Variants in SNTG1 observed in about 807,000 individuals in gnomAD.
SNTG1 encodes the protein syntrophin gamma 1.
In SNTG1, 39 loss-of-function variants were observed where a neutral mutation model predicts 74.7. The ratio of observed to expected loss-of-function variants is 0.52; its 90% CI spans 0.40 to 0.68. SNTG1 has a LOEUF of 0.68. Ranked by LOEUF, SNTG1 falls within the 30% of genes least tolerant of loss-of-function variation. The pLI is 0.00. For synonymous variants in SNTG1, 254 were observed against 217.1 expected, an observed-to-expected ratio of 1.17 and a Z score of -1.49; for missense variants, 685 against 609.5, an observed-to-expected ratio of 1.12 and a Z score of -1.30.
rs576048168 is a variant in SNTG1 at position 50,082,896 on chromosome 8, C to T, written c.-102-89665C>T. 3.9e-5 allele frequency among the ~76,000 whole-genome samples: 6 copies of T among 152,254 alleles called. No homozygotes were observed. In the South Asian group the frequency reaches 1.2e-3, roughly 32 times the overall value. On this transcript the variant is annotated intron_variant, in intron 1 of 18. Transcript: ENST00000642720. ...CTCCCTATTACATCCCGTGCTACTC[C>T]TACAGTTCATTGTTTGCCCCAACTA...
intron 2 of SNTG1, among the ~76,000 whole-genome samples, chr8:50,345,425 C>A (rs148677865): frequency 6.6e-6 from 1 of 152,180 alleles, no homozygotes; most frequent in East Asian, 1.9e-4. Context: ...CTTCTAGAAC[C>A]CTACTCTGCC....
At chr8:50,653,071 C>T (rs1490801693) in intron 13 of SNTG1, among the ~76,000 whole-genome samples, 1 of 151,844 alleles carries the variant, frequency 6.6e-6, no homozygotes, top group African/African-American at 2.4e-5. Flanking sequence ...ATAAACCTTA[C>T]AGAGACAGAA....
At position 50,564,011 on chromosome 8, in the gene SNTG1, G is replaced by T. The variant is rs190133296; in HGVS notation, c.810+10832G>T. On this transcript the variant is annotated intron_variant, in intron 12 of 18. Coordinates refer to ENST00000642720, the MANE Select transcript of SNTG1 (RefSeq NM_018967.5). ...ACATTCATCCATTTGTACTAGTTCT[G>T]ATTTGAGAAAGACACACAATAATCC... Among the ~76,000 whole-genome samples, 123 of 152,164 alleles carry T rather than the reference G, an allele frequency of 8.1e-4. 2 individuals are homozygous for T. In the East Asian group the frequency reaches 0.019, roughly 23 times the overall value.
intron 13 of SNTG1, among the ~76,000 whole-genome samples, chr8:50,648,449 T>C (rs1349649717): frequency 6.6e-6 from 1 of 152,154 alleles, no homozygotes; most frequent in Non-Finnish European, 1.5e-5. Flanking sequence ...GTAAGTTTTA[T>C]CAGACTGAAT....
chr8:50,367,111 G>A (rs184164363), intron 2 of SNTG1, among the ~76,000 whole-genome samples: 2 of 151,780 alleles, frequency 1.3e-5, no homozygotes, highest in African/African-American at 2.4e-5. Flanking sequence ...TCTGATGTGA[G>A]CATAGGTGAT....
intron 13 of SNTG1, among the ~76,000 whole-genome samples, chr8:50,651,117 C>T (rs1221147757): frequency 6.6e-6 from 1 of 152,126 alleles, no homozygotes; most frequent in Non-Finnish European, 1.5e-5. Flanking sequence ...TGATGCTTGC[C>T]ATGAGTATTT....
chr8:49,997,163 G>T (rs1814304208), intron 1 of SNTG1, among the ~76,000 whole-genome samples: 1 of 151,998 alleles, frequency 6.6e-6, no homozygotes, highest in African/African-American at 2.4e-5. Context: ...GAACACTGAG[G>T]AATCAGAATT....
chr8:50,434,715 A>G (rs2093282038), intron 4 of SNTG1, among the ~76,000 whole-genome samples: 1 of 152,072 alleles, frequency 6.6e-6, no homozygotes, highest in Non-Finnish European at 1.5e-5. Context: ...TCATATGTAC[A>G]CATAGTAGAT....
At chr8:50,058,404 T>A (rs1820202451) in intron 1 of SNTG1, among the ~76,000 whole-genome samples, 1 of 152,132 alleles carries the variant, frequency 6.6e-6, no homozygotes, top group African/African-American at 2.4e-5. Flanking sequence ...CCACACACCT[T>A]ATCTAAGTCT....
At chr8:50,471,498 C>T (rs2093654418) in intron 8 of SNTG1, among the ~76,000 whole-genome samples, 2 of 152,150 alleles carry the variant, frequency 1.3e-5, no homozygotes. Context: ...GCAGCAGAAA[C>T]TCATTCACTG....
At chr8:50,079,849 G>C (rs553391098) in intron 1 of SNTG1, among the ~76,000 whole-genome samples, 21 of 152,110 alleles carry the variant, frequency 1.4e-4, no homozygotes, top group African/African-American at 5.1e-4. Flanking sequence ...TTGAAGATCA[G>C]ATGGTTGTAG....
intron 2 of SNTG1, among the ~76,000 whole-genome samples, chr8:50,199,920 G>A (rs2083922434): frequency 6.6e-6 from 1 of 152,204 alleles, no homozygotes; most frequent in Non-Finnish European, 1.5e-5. Flanking sequence ...TATTGTGGGT[G>A]TGGATTTTAG....
chr8:50,687,324 G>T (rs1286747030), intron 15 of SNTG1, among the ~76,000 whole-genome samples: 1 of 152,028 alleles, frequency 6.6e-6, no homozygotes, highest in Non-Finnish European at 1.5e-5. Context: ...CTAATCTTGA[G>T]TAGAAATGAA....
intron 1 of SNTG1, among the ~76,000 whole-genome samples, chr8:49,964,966 A>G (rs1811013722): frequency 6.6e-6 from 1 of 152,232 alleles, no homozygotes; most frequent in Admixed American, 6.5e-5. Context: ...GAGTTTATTT[A>G]TACAGTAGTT....
At chr8:50,502,663 C>G in intron 8 of SNTG1, 115 bp from the exon 9 acceptor site, 1 of 764,554 alleles carries the variant, frequency 1.3e-6, no homozygotes, top group Non-Finnish European at 2.1e-6. Flanking sequence ...TAAAATGTTT[C>G]TGAATACTAG....
chr8:50,699,710 C>A (rs1367759362), intron 15 of SNTG1, among the ~76,000 whole-genome samples: 1 of 152,034 alleles, frequency 6.6e-6, no homozygotes, highest in Non-Finnish European at 1.5e-5. Flanking sequence ...AAAAAGTATT[C>A]TGGAGGCTAT....
chr8:50,263,121 G>T, intron 2 of SNTG1, among the ~76,000 whole-genome samples: 1 of 152,178 alleles, frequency 6.6e-6, no homozygotes, highest in Non-Finnish European at 1.5e-5. Flanking sequence ...TGATAATGAT[G>T]TGTCAGTGTG....
At chr8:50,199,241 A>G (rs1161733394) in intron 2 of SNTG1, among the ~76,000 whole-genome samples, 1 of 144,600 alleles carries the variant, frequency 6.9e-6, no homozygotes, top group African/African-American at 2.6e-5. Context: ...TTTTGAGACC[A>G]AGTTTCACTC....
intron 2 of SNTG1, among the ~76,000 whole-genome samples, chr8:50,301,167 T>A (rs1206101430): frequency 1.3e-5 from 2 of 152,252 alleles, no homozygotes; most frequent in East Asian, 3.9e-4. Context: ...TCTTCCTTCA[T>A]CACTCTCTCC....
Sources: allele counts gnomAD v4.1 joint callset (sites outside exome capture counted in the v4.1 genomes callset), GRCh38; gene constraint gnomAD v4.1.1; transcripts MANE v1.5; gene names NCBI Gene and HGNC (gene_info 2026-07-23, HGNC 2026-07-21).